The following HYDIN variants were observed in gnomAD, a reference collection of about 807,000 sequenced individuals.
HYDIN encodes the protein HYDIN axonemal central pair apparatus protein.
HYDIN carries 132 observed loss-of-function variants against 403.9 expected under a neutral mutation model. The ratio of observed to expected loss-of-function variants is 0.33; its 90% CI spans 0.28 to 0.38. The LOEUF is 0.38. Among genes scored for constraint, HYDIN ranks in the 10% least tolerant of loss-of-function variants. The pLI is 1.00. For synonymous variants in HYDIN, 1,202 were observed against 1,891.7 expected (o/e 0.64, Z 9.46); for missense variants, 2,827 against 5,009.5 (o/e 0.56, Z 13.15).
rs746990310 is a variant in HYDIN, at chr16:70,862,137, C to T, written c.11688G>A (p.Ser3896=). The change falls in exon 69 of 86, where the codon TCG becomes TCA. Residue 3896 remains serine (S), a synonymous_variant. Transcript: ENST00000393567. The part of the protein sequence containing the change: ...SPQPFSVEPS[S]GIVPVGKIQK... The stretch of plus-strand genomic sequence containing the variant: ...GAATCTTCCCCACCGGCACGATTCC[C>T]GAAGAGGGCTCCACAGAGAAGGGCT... 3.3e-5 allele frequency: 53 copies of T among 1,611,526 alleles called. No individual in the cohort carries two copies. The highest frequency in any genetic ancestry group is 8.4e-5 in the Admixed American group (5 of 59,680).
At chr16:70,881,093 G>A (rs2040766886) in intron 60 of HYDIN, among the ~76,000 whole-genome samples, 1 of 141,268 alleles carries the variant, frequency 7.1e-6, no homozygotes, top group Non-Finnish European at 1.5e-5. Flanking sequence ...AAGCATGGTG[G>A]TGCGTGCCTG....
intron 1 of HYDIN, among the ~76,000 whole-genome samples, chr16:71,211,440 A>G (rs1462818679): frequency 1.3e-5 from 2 of 151,934 alleles, no homozygotes; most frequent in African/African-American, 2.4e-5. Flanking sequence ...GGAGATCGAG[A>G]CCATCCTGGC....
Position 70,862,242 on chromosome 16 carries a change from T to C in HYDIN, c.11583A>G (p.Lys3861=), listed in dbSNP as rs770717877. 15 of 1,612,100 alleles carry C rather than the reference T, an allele frequency of 9.3e-6. No individual in the cohort carries two copies. In the South Asian group the frequency reaches 1.3e-4, roughly 14 times the overall value. ...GCATCGTGCCCTGACTAAGCTGATC[T>C]TTTTGAGCTGAACCTGGGGACAGAC... ...AKPDHQGSAQ[K]DQLSQGTMHT... is the part of the protein sequence containing the mutation. Residue 3861 remains lysine, a synonymous_variant, in exon 69 of 86, where the codon AAA becomes AAG. Transcript: ENST00000393567.
At chr16:70,813,352 G>A (rs1354139634) in intron 84 of HYDIN, among the ~76,000 whole-genome samples, 1 of 151,842 alleles carries the variant, frequency 6.6e-6, no homozygotes, top group Non-Finnish European at 1.5e-5. Flanking sequence ...GGCCCGCATA[G>A]TGAGGAACTG....
intron 8 of HYDIN, chr16:71,131,905 G>T (rs1222208125): frequency 1.3e-5 from 2 of 152,122 alleles, no homozygotes; most frequent in East Asian, 3.9e-4. Flanking sequence ...CAGTAAAGTG[G>T]TATTAAATGG....
chr16:71,201,714 C>T (rs962419232), intron 1 of HYDIN, among the ~76,000 whole-genome samples: 2 of 152,224 alleles, frequency 1.3e-5, no homozygotes, highest in Admixed American at 6.5e-5. Context: ...AGAACAAAGC[C>T]ACACAAATGA....
intron 9 of HYDIN, among the ~76,000 whole-genome samples, chr16:71,117,868 T>A (rs1206499928): frequency 6.6e-6 from 1 of 152,036 alleles, no homozygotes; most frequent in East Asian, 1.9e-4. Context: ...CTTATCAGTA[T>A]ACTTTGCAGG....
intron 47 of HYDIN, among the ~76,000 whole-genome samples, chr16:70,913,397 G>A (rs1355252397): frequency 3.3e-5 from 5 of 152,016 alleles, no homozygotes; most frequent in East Asian, 1.9e-4. Context: ...GTGATCATTC[G>A]GGAGCAGGTT....
chr16:71,130,454 A>G, intron 8 of HYDIN, among the ~76,000 whole-genome samples: 1 of 147,370 alleles, frequency 6.8e-6, no homozygotes. Flanking sequence ...CAAAGCTGGC[A>G]ACTCCATATA....
chr16:70,992,305 C>G, intron 23 of HYDIN, 95 bp from the exon 24 acceptor site: 1 of 1,476,222 alleles, frequency 6.8e-7, no homozygotes. Flanking sequence ...AGGCCAAACT[C>G]CAAATCCTAG....
intron 78 of HYDIN, among the ~76,000 whole-genome samples, chr16:70,834,908 A>G (rs954441365): frequency 3.3e-5 from 5 of 149,608 alleles, no homozygotes; most frequent in Non-Finnish European, 7.4e-5. Flanking sequence ...ATATACACAC[A>G]CACATATATA....
At chr16:70,887,679 T>C (rs1255733304) in intron 58 of HYDIN, among the ~76,000 whole-genome samples, 1 of 150,064 alleles carries the variant, frequency 6.7e-6, no homozygotes, top group African/African-American at 2.5e-5. Context: ...GTTCACTGAT[T>C]CTTTTCTTTT....
At chr16:71,068,494 T>C (rs1309253978) in intron 14 of HYDIN, among the ~76,000 whole-genome samples, 1 of 151,646 alleles carries the variant, frequency 6.6e-6, no homozygotes, top group Admixed American at 6.6e-5. Flanking sequence ...CTTGTTTATG[T>C]ATCTGGGCTG....
intron 9 of HYDIN, among the ~76,000 whole-genome samples, chr16:71,125,997 T>C (rs976423512): frequency 1.2e-4 from 18 of 151,760 alleles, no homozygotes; most frequent in African/African-American, 4.4e-4. Flanking sequence ...GGATGCTCTG[T>C]GGAGGGGGAG....
chr16:71,187,183 C>A (rs563696136), intron 1 of HYDIN, among the ~76,000 whole-genome samples: 8 of 152,124 alleles, frequency 5.3e-5, no homozygotes, highest in Non-Finnish European at 1.2e-4. Context: ...GTTACTTCTA[C>A]ATTTTGCCCC....
Position 71,064,710 on chromosome 16 carries a change from G to C in HYDIN, c.2206C>G (p.Pro736Ala). ...AGAAGGAGAAAGGAACTCACCTGAG[G>C]CTGGACCTCATAGAATCCTGGGAGG... is the stretch of plus-strand genomic sequence containing the variant. ...DDLPGFYEVQ[P>A]QVCEEVPTVL... Residue 736 changes from proline (P) to alanine (A), a missense_variant, in exon 16 of 86, where the codon CCT (proline) becomes GCT (alanine). Pro to Ala is a conservative substitution (Grantham distance 27). Transcript: ENST00000393567. 6.2e-7 allele frequency: 1 copy of C among 1,613,690 alleles called. No individual in the cohort carries two copies. Among genetic ancestry groups the C allele is most frequent in the Non-Finnish European group, 8.5e-7 (1 of 1,179,904 alleles).
At chr16:71,225,084 A>G (rs2040973890) in intron 1 of HYDIN, among the ~76,000 whole-genome samples, 1 of 152,150 alleles carries the variant, frequency 6.6e-6, no homozygotes, top group South Asian at 2.1e-4. Flanking sequence ...ACGAACAGGA[A>G]CCTAAAAAGC....
chr16:70,978,965 G>C lies in HYDIN; in HGVS notation c.4587C>G (p.Leu1529=), dbSNP rs763571737. ...CCTCAGTTATTATGTCAAAGTGATC[G>C]AGCATTTCACATTTGTTATACTCTT... ...TDKEYNKCEM[L]DHFDIITEEV... The change falls in exon 30 of 86, where the codon CTC becomes CTG. Residue 1529 remains leucine (L), a synonymous_variant. Transcript: ENST00000393567. 4 of 1,613,966 alleles carry C rather than the reference G, an allele frequency of 2.5e-6. No individual in the cohort carries two copies. Among genetic ancestry groups the C allele is most frequent in the Middle Eastern group, 1.6e-4 (1 of 6,062 alleles).
In HYDIN at chr16:71,069,301, C is replaced by T; in HGVS notation, c.1940G>A (p.Gly647Asp). ...PKEFTISPDCGTIRPQGFAAI... is the reference protein window; with the variant it reads ...PKEFTISPDCDTIRPQGFAAI... Reference sequence around the variant, plus strand: ...AGCAAATCCCTGGGGGCGAATGGTGCCACAGTCAGGAGAGATGGTGAATTC... The same window carrying T: ...AGCAAATCCCTGGGGGCGAATGGTGTCACAGTCAGGAGAGATGGTGAATTC... Residue 647 changes from glycine (G) to aspartate (D), a missense_variant, in exon 14 of 86, where the codon GGC (glycine) becomes GAC (aspartate). Transcript: ENST00000393567. The T allele has an allele frequency of 1.9e-6, 3 of 1,613,542 alleles. No homozygotes were observed. Among genetic ancestry groups the T allele is most frequent in the South Asian group, 2.2e-5 (2 of 91,030 alleles).
Sources: allele counts gnomAD v4.1 joint callset (sites outside exome capture counted in the v4.1 genomes callset), GRCh38; gene constraint gnomAD v4.1.1; transcripts MANE v1.5; gene names NCBI Gene and HGNC (gene_info 2026-07-23, HGNC 2026-07-21).